FREM1: variants seen among roughly 807,000 people sequenced by gnomAD.
The protein encoded by FREM1 is FRAS1 related extracellular matrix 1.
A neutral mutation model predicts 210.1 loss-of-function variants in FREM1; 220 were observed. That is an observed-to-expected ratio of 1.05 (90% CI 0.94 to 1.17). The LOEUF (loss-of-function observed/expected upper bound fraction) is 1.17. Ranked by LOEUF, FREM1 falls within the 50% of genes most tolerant of loss-of-function variation. FREM1 has a pLI of 0.00. For missense variants in FREM1, 3,454 were observed against 2,675.5 expected (o/e 1.29, Z -6.42); for synonymous variants, 1,189 against 980.2 (o/e 1.21, Z -3.98).
intron 27 of FREM1, among the ~76,000 whole-genome samples, chr9:14,764,277 TAA>T (rs1219489702): frequency 6.6e-6 from 1 of 152,256 alleles, no homozygotes; most frequent in African/African-American, 2.4e-5. Context: ...TTTTTCTTTA[TAA>T]ATTACCCAGT....
chr9:14,900,862 G>A (rs1043185460), intron 1 of FREM1, among the ~76,000 whole-genome samples: 2 of 152,190 alleles, frequency 1.3e-5, no homozygotes, highest in African/African-American at 4.8e-5. Flanking sequence ...TTCTTTGGTA[G>A]GAGGACTCTG....
chr9:14,848,369 A>G (rs1827063748), intron 7 of FREM1, among the ~76,000 whole-genome samples: 1 of 152,242 alleles, frequency 6.6e-6, no homozygotes, highest in Non-Finnish European at 1.5e-5. Flanking sequence ...CTACAGCTCA[A>G]TATCACAAAT....
intron 1 of FREM1, among the ~76,000 whole-genome samples, chr9:14,870,834 G>A (rs1262791760): frequency 1.5e-5 from 2 of 132,488 alleles, no homozygotes; most frequent in African/African-American, 5.9e-5. Context: ...TCCCCAGAGT[G>A]TGATGTTCCC....
chr9:14,822,222 AC>A (rs78863557), intron 13 of FREM1, among the ~76,000 whole-genome samples: 15,740 of 152,056 alleles, frequency 0.1, 1,333 homozygotes, highest in East Asian at 0.45. Flanking sequence ...TTTGTAAATT[AC>A]CCAGTCTCGG....
intron 16 of FREM1, among the ~76,000 whole-genome samples, chr9:14,809,895 TATG>T (rs1819086725): frequency 6.6e-6 from 1 of 152,096 alleles, no homozygotes; most frequent in Admixed American, 6.6e-5. Flanking sequence ...TGTATGTATG[TATG>T]TATGTATGTA....
At chr9:14,904,732 G>A (rs956649791) in intron 1 of FREM1, among the ~76,000 whole-genome samples, 1 of 152,072 alleles carries the variant, frequency 6.6e-6, no homozygotes, top group Admixed American at 6.5e-5. Flanking sequence ...GTGTGGATTA[G>A]GTACTTTCCG....
chr9:14,783,741 G>A (rs1563919209), intron 24 of FREM1, among the ~76,000 whole-genome samples: 1 of 152,170 alleles, frequency 6.6e-6, no homozygotes, highest in Non-Finnish European at 1.5e-5. Flanking sequence ...TCACCAGATT[G>A]TTATTCATTC....
rs371322994 is a variant in FREM1, at chr9:14,886,303, T to C, written c.-267-17059A>G. On this transcript the variant is annotated intron_variant, in intron 1 of 36. Transcript: ENST00000380880. ...CGGGAGGCTGAGGCAGGAGAATCGC[T>C]TGAACCCTGGAGGCGGAGGTTGCAG... Among the ~76,000 whole-genome samples the C allele has an allele frequency of 6.9e-4, 100 of 144,188 alleles. 3 individuals carry two copies. In the South Asian group the frequency reaches 0.021, roughly 30 times the overall value. The allele number at this position is 144,188 out of a possible 152,430, so 94.6% of individuals were successfully genotyped here.
In FREM1 at chr9:14,860,776, TATATACATATATAC is replaced by T. The variant is rs1564101409; in HGVS notation, c.330-1306_330-1293del. Among the ~76,000 whole-genome samples, 555 of 101,296 alleles carry T rather than the reference TATATACATATATAC, an allele frequency of 5.5e-3. 20 individuals carry two copies. Among genetic ancestry groups the T allele is most frequent in the East Asian group, 7.3e-3 (17 of 2,322 alleles). The allele number at this position is 101,296 out of a possible 152,430, so 66.5% of individuals were successfully genotyped here. A position where few individuals can be genotyped will look rare whatever the true frequency, so the allele number is the denominator to read the frequency against. ...ACATATATATGCACATATATACACA[TATATACATATATAC>T]ATATATACACATATATACATATATA... On this transcript the variant is annotated intron_variant, in intron 3 of 36. Transcript: ENST00000380880.
At chr9:14,845,869 C>G (rs1826510239) in intron 8 of FREM1, 91 bp downstream of exon 8, 3 of 1,312,336 alleles carry the variant, frequency 2.3e-6, no homozygotes, top group Admixed American at 2.2e-5. Flanking sequence ...AAATTGGGCC[C>G]AAGAGATGCT....
chr9:14,767,708 T>C (rs1351862307), intron 27 of FREM1, among the ~76,000 whole-genome samples: 1 of 152,166 alleles, frequency 6.6e-6, no homozygotes, highest in Non-Finnish European at 1.5e-5. Flanking sequence ...CAATAACATC[T>C]GCTTACAAAT....
intron 22 of FREM1, among the ~76,000 whole-genome samples, chr9:14,792,274 A>ACACG (rs774433081): frequency 1.0e-4 from 8 of 78,294 alleles, no homozygotes; most frequent in Admixed American, 2.5e-4. Context: ...ACACACACGC[A>ACACG]CACACACACA....
chr9:14,811,514 T>C (rs1002505458), intron 16 of FREM1, among the ~76,000 whole-genome samples: 2 of 152,146 alleles, frequency 1.3e-5, no homozygotes, highest in African/African-American at 4.8e-5. Flanking sequence ...GGTGAACTCC[T>C]GAGGGACATC....
At chr9:14,776,831 T>C (rs1848673941) in intron 24 of FREM1, among the ~76,000 whole-genome samples, 1 of 152,154 alleles carries the variant, frequency 6.6e-6, no homozygotes, top group Admixed American at 6.6e-5. Context: ...GACCAGAAGA[T>C]CATTAAGTAC....
chr9:14,751,244 T>TGA lies in FREM1; in HGVS notation c.5408-970_5408-969dup, dbSNP rs1027987310. Among the ~76,000 whole-genome samples the TGA allele has an allele frequency of 5.3e-4, 81 of 152,376 alleles. 2 individuals carry two copies. The highest frequency in any genetic ancestry group is 1.9e-3 in the African/African-American group (80 of 41,596). On this transcript the variant is annotated intron_variant, in intron 29 of 36. Coordinates refer to ENST00000380880, the MANE Select transcript of FREM1 (RefSeq NM_001379081.2). ...ACTTATCGATTTAACTTTTCTTAGC[T>TGA]GAGATGGAAAAGCTTACTCTGCCAT... is the stretch of plus-strand genomic sequence containing the variant.
Position 14,863,903 on chromosome 9 carries a change from C to G in FREM1, c.235G>C (p.Val79Leu), listed in dbSNP as rs759319124. The stretch of plus-strand genomic sequence containing the variant: ...TTGGGAAGGAAATGGCAGTCAAAGA[C>G]CTAGTTCACATGAAGAATTGGATAA... ...TQRVGKLTPQ[V>L]FDCHFLPNEV... is the part of the protein sequence containing the mutation. Residue 79 changes from valine to leucine, a missense_variant and splice_region_variant, in exon 3 of 37, where the codon GTC (valine) becomes CTC (leucine). Physicochemically the swap from Val to Leu is conservative, Grantham distance 32 (BLOSUM62 1). Coordinates refer to ENST00000380880, the MANE Select transcript of FREM1 (RefSeq NM_001379081.2). 5 of 1,588,606 alleles carry G rather than the reference C, an allele frequency of 3.1e-6. No individual in the cohort carries two copies. In the African/African-American group the frequency reaches 4.0e-5, roughly 13 times the overall value.
Position 14,859,208 on chromosome 9 carries a change from C to G in FREM1, c.606G>C (p.Gln202His), listed in dbSNP as rs1829346339. The change falls in exon 4 of 37, where the codon CAG becomes CAC. Residue 202 changes from glutamine (Q) to histidine (H), a missense_variant. Coordinates refer to ENST00000380880, the MANE Select transcript of FREM1 (RefSeq NM_001379081.2). Reference protein sequence around the residue: ...EPRPEEPRGDQPHSFFPESQL... With the variant: ...EPRPEEPRGDHPHSFFPESQL... ...GGGACTCTGGGAAAAAACTGTGTGG[C>G]TGATCTCCACGAGGTTCTTCTGGTC... 6.3e-7 allele frequency: 1 copy of G among 1,594,016 alleles called. No individual in the cohort carries two copies. Among genetic ancestry groups the G allele is most frequent in the Non-Finnish European group, 8.5e-7 (1 of 1,169,826 alleles).
chr9:14,850,782 A>G (rs2131376945), intron 6 of FREM1, among the ~76,000 whole-genome samples: 1 of 152,308 alleles, frequency 6.6e-6, no homozygotes, highest in East Asian at 1.9e-4. Context: ...CTCTAACTTC[A>G]ATGGTCTCTG....
At chr9:14,903,643 TCCTA>T (rs1431784090) in intron 1 of FREM1, among the ~76,000 whole-genome samples, 1 of 152,174 alleles carries the variant, frequency 6.6e-6, no homozygotes, top group East Asian at 1.9e-4. Context: ...AGTTATCACA[TCCTA>T]CCTGGTAGTG....
Sources: allele counts gnomAD v4.1 joint callset (sites outside exome capture counted in the v4.1 genomes callset), GRCh38; gene constraint gnomAD v4.1.1; transcripts MANE v1.5; gene names NCBI Gene and HGNC (gene_info 2026-07-23, HGNC 2026-07-21).